RUNX2: variants seen among roughly 807,000 people sequenced by gnomAD.
The protein encoded by RUNX2 is runt-related transcription factor 2.
Under a neutral mutation model 51.7 loss-of-function variants are expected in RUNX2, and 10 were observed. That is an observed-to-expected ratio of 0.19 (90% confidence interval 0.12 to 0.33). RUNX2 has a LOEUF of 0.33. Among genes scored for constraint, RUNX2 ranks in the 10% least tolerant of loss-of-function variants. The pLI is 1.00. For missense variants in RUNX2, 562 were observed against 691.3 expected (o/e 0.81, Z 2.10); for synonymous variants, 276 against 273.6 (o/e 1.01, Z -0.09).
At chr6:45,533,533 A>G (rs574075767) in intron 7 of RUNX2, among the ~76,000 whole-genome samples, 1 of 152,338 alleles carries the variant, frequency 6.6e-6, no homozygotes, top group African/African-American at 2.4e-5. Flanking sequence ...TTTTTCTTGC[A>G]GAAGTTTTGA....
chr6:45,382,926 A>C (rs755572266), intron 2 of RUNX2, among the ~76,000 whole-genome samples: 1 of 152,142 alleles, frequency 6.6e-6, no homozygotes, highest in Non-Finnish European at 1.5e-5. Flanking sequence ...TTGTTGACAC[A>C]TTGGATTTAG....
intron 2 of RUNX2, among the ~76,000 whole-genome samples, chr6:45,409,733 T>C (rs1797910532): frequency 6.6e-6 from 1 of 152,224 alleles, no homozygotes; most frequent in South Asian, 2.1e-4. Flanking sequence ...AAAATTCAGG[T>C]CTAAAGATAA....
chr6:45,328,515 G>T, intron 1 of RUNX2, 55 bp downstream of exon 1: 6 of 1,546,834 alleles, frequency 3.9e-6, no homozygotes, highest in Middle Eastern at 1.8e-4. Context: ...TCAAATATTT[G>T]CTCATTCTCT....
chr6:45,534,114 C>A (rs549638959), intron 7 of RUNX2, among the ~76,000 whole-genome samples: 26 of 152,160 alleles, frequency 1.7e-4, no homozygotes, highest in African/African-American at 5.8e-4. Flanking sequence ...AGGCTGGTCT[C>A]AAACTCCTGG....
At chr6:45,450,069 G>A (rs1001589447) in intron 5 of RUNX2, among the ~76,000 whole-genome samples, 1 of 152,182 alleles carries the variant, frequency 6.6e-6, no homozygotes, top group African/African-American at 2.4e-5. Flanking sequence ...AATAACATCA[G>A]GAAAATGATG....
intron 2 of RUNX2, among the ~76,000 whole-genome samples, chr6:45,342,961 G>A (rs751861307): frequency 3.0e-4 from 45 of 152,076 alleles, no homozygotes; most frequent in East Asian, 7.7e-4. Context: ...CAGTTATAGC[G>A]CCTAGTACAT....
At chr6:45,480,113 T>C (rs1260038526) in intron 5 of RUNX2, among the ~76,000 whole-genome samples, 2 of 152,238 alleles carry the variant, frequency 1.3e-5, no homozygotes. Flanking sequence ...TCATTACACC[T>C]GGCTGAATAA....
At chr6:45,519,697 A>G (rs755005958) in intron 7 of RUNX2, among the ~76,000 whole-genome samples, 4 of 151,562 alleles carry the variant, frequency 2.6e-5, no homozygotes, top group Non-Finnish European at 4.4e-5. Context: ...ATATGCATTT[A>G]AGTTCCTCCA....
chr6:45,457,676 G>A (rs1799353117), intron 5 of RUNX2, among the ~76,000 whole-genome samples: 1 of 152,158 alleles, frequency 6.6e-6, no homozygotes. Flanking sequence ...AAAAACTAAA[G>A]CAGCCTTTCT....
chr6:45,444,362 C>A (rs1463364395), intron 5 of RUNX2, among the ~76,000 whole-genome samples: 8 of 152,216 alleles, frequency 5.3e-5, no homozygotes, highest in Non-Finnish European at 1.2e-4. Context: ...CACTGATCAG[C>A]CAGCCACCTG....
chr6:45,402,788 T>A (rs1320974142), intron 2 of RUNX2, among the ~76,000 whole-genome samples: 1 of 152,068 alleles, frequency 6.6e-6, no homozygotes, highest in Non-Finnish European at 1.5e-5. Context: ...AGGAGGATTG[T>A]TTGAACCTGA....
At chr6:45,437,881 C>T in intron 4 of RUNX2, 66 bp from the exon 5 acceptor site, 1 of 1,153,554 alleles carries the variant, frequency 8.7e-7, no homozygotes, top group Non-Finnish European at 1.3e-6. Context: ...GAAATCTATG[C>T]TGCTGTGTAA....
At chr6:45,480,308 GAA>G (rs984693548) in intron 5 of RUNX2, among the ~76,000 whole-genome samples, 2 of 152,308 alleles carry the variant, frequency 1.3e-5, no homozygotes, top group Admixed American at 1.3e-4. Flanking sequence ...AGCTTAGAGA[GAA>G]ATGATTTTTC....
chr6:45,443,747 A>G (rs1798907024), intron 5 of RUNX2, among the ~76,000 whole-genome samples: 1 of 152,242 alleles, frequency 6.6e-6, no homozygotes, highest in Admixed American at 6.5e-5. Context: ...GCAGATCACT[A>G]CTCAAGTGAG....
intron 6 of RUNX2, among the ~76,000 whole-genome samples, chr6:45,496,838 C>T (rs1239601075): frequency 2.0e-5 from 3 of 152,012 alleles, no homozygotes; most frequent in Non-Finnish European, 2.9e-5. Flanking sequence ...TACAGTAGCT[C>T]GAGAGAGTAA....
rs377128508 is a variant in RUNX2, at chr6:45,492,016, A to G, written c.761A>G (p.His254Arg). ...CTCAGTGATTTAGGGCGCATTCCTCATCCCAGTATGAGAGTAGGTGTCCCG... is the reference window on the plus strand; with the variant it reads ...CTCAGTGATTTAGGGCGCATTCCTCGTCCCAGTATGAGAGTAGGTGTCCCG... ...DRLSDLGRIP[H>R]PSMRVGVPPQ... The change falls in exon 6 of 9, where the codon CAT becomes CGT. Residue 254 changes from histidine (H) to arginine (R), a missense_variant. Physicochemically the swap from His to Arg is conservative, Grantham distance 29 (BLOSUM62 0). This residue lies in a region of RUNX2 where 304 missense variants were observed against 353.2 expected (regional missense o/e 0.86). Coordinates refer to ENST00000647337, the MANE Select transcript of RUNX2 (RefSeq NM_001024630.4). 1 of 1,613,932 alleles carries G rather than the reference A, an allele frequency of 6.2e-7. No individual in the cohort carries two copies. Among genetic ancestry groups the G allele is most frequent in the Non-Finnish European group, 8.5e-7 (1 of 1,179,922 alleles).
intron 2 of RUNX2, among the ~76,000 whole-genome samples, chr6:45,409,846 G>T (rs1332512581): frequency 6.6e-6 from 1 of 152,164 alleles, no homozygotes; most frequent in South Asian, 2.1e-4. Context: ...AGATGACTAA[G>T]ACTAATCCCT....
At chr6:45,426,062 C>T (rs986518962) in intron 3 of RUNX2, among the ~76,000 whole-genome samples, 5 of 151,948 alleles carry the variant, frequency 3.3e-5, no homozygotes, top group South Asian at 2.1e-4. Context: ...TGTTTAAACA[C>T]GATATTGTCA....
chr6:45,375,746 G>C (rs950413289), intron 2 of RUNX2, among the ~76,000 whole-genome samples: 1 of 151,928 alleles, frequency 6.6e-6, no homozygotes, highest in Non-Finnish European at 1.5e-5. Context: ...CCAAGGTTAA[G>C]GGTGCTACCG....
Sources: gnomAD v4.1 joint callset for allele counts (sites outside exome capture counted in the v4.1 genomes callset) on GRCh38, gnomAD v4.1.1 for gene constraint, gnomAD v4.1.1 regional missense constraint, MANE v1.5 for transcripts, NCBI Gene and HGNC (gene_info 2026-07-23, HGNC 2026-07-21) for gene names.